YY1: variants seen among roughly 807,000 people sequenced by gnomAD.
The protein encoded by YY1 is transcriptional repressor protein YY1.
Under a neutral mutation model 35.6 loss-of-function variants are expected in YY1, and 2 were observed. The observed-to-expected ratio is 0.06, with a 90% CI of 0.02 to 0.18. The LOEUF is 0.18. Ranked by LOEUF, YY1 falls within the 10% of genes least tolerant of loss-of-function variation. The probability of loss-of-function intolerance (pLI) is 1.00; values close to 1 mark genes in which losing one functional copy is unlikely to be tolerated. For synonymous variants in YY1, 268 were observed against 238.9 expected, an observed-to-expected ratio of 1.12 and a Z score of -1.12; for missense variants, 322 against 573.4, an observed-to-expected ratio of 0.56 and a Z score of 4.48.
chr14:100,239,781 G>GGGC lies in YY1; in HGVS notation c.537_538insGGC (p.Lys179_Ser180insGly). ...GCGTCAAGAAGGGCGGCGGCAAGAA[G>GGGC]AGCGGCAAGAAGAGTTACCTCAGCG... On this transcript the variant is annotated inframe_insertion, in exon 1 of 5. Coordinates refer to ENST00000262238, the MANE Select transcript of YY1 (RefSeq NM_003403.5). 1.3e-6 allele frequency: 2 copies of GGGC among 1,561,758 alleles called. No homozygotes were observed. The highest frequency in any genetic ancestry group is 1.7e-6 in the Non-Finnish European group (2 of 1,156,018).
rs554857066 is a variant in YY1 at position 100,276,174 on chromosome 14, T to C, written c.904-316T>C. 4.6e-4 allele frequency: 174 copies of C among 374,758 alleles called. 1 individual carries two copies. The highest frequency in any genetic ancestry group is 1.8e-3 in the Middle Eastern group (2 of 1,138). The allele number at this position is 374,758 out of a possible 1,614,324, so 23.2% of individuals were successfully genotyped here. On this transcript the variant is annotated intron_variant, in intron 3 of 4. Coordinates refer to ENST00000262238, the MANE Select transcript of YY1 (RefSeq NM_003403.5). This position sits in a 1 kb window ranked among gnomAD's most constrained non-coding sequence, Gnocchi z 4.1. ...TCGGGTGAGGTGGCTGTGGTAGAGCTGGAAGCCAGGGTGTTGGGTTCTATT... is the reference window on the plus strand; with the variant it reads ...TCGGGTGAGGTGGCTGTGGTAGAGCCGGAAGCCAGGGTGTTGGGTTCTATT...
At chr14:100,249,590 A>C (rs1890890403) in intron 1 of YY1, among the ~76,000 whole-genome samples, 1 of 152,216 alleles carries the variant, frequency 6.6e-6, no homozygotes. Context: ...GCTGTAAGGC[A>C]GAATCAGGGC....
rs775678967 is a variant in YY1 at position 100,239,417 on chromosome 14, ACCACGGCGGCGGGGGCGG to A, written c.180_197del (p.Gly61_Gly66del). On this transcript the variant is annotated inframe_deletion, in exon 1 of 5. Coordinates refer to ENST00000262238, the MANE Select transcript of YY1 (RefSeq NM_003403.5). The stretch of plus-strand genomic sequence containing the variant: ...GACGACGAGGACGGCGGCGGTGGCG[ACCACGGCGGCGGGGGCGG>A]CCACGGGCACGCCGGCCACCACCAC... The A allele has an allele frequency of 3.6e-5, 57 of 1,594,450 alleles. No homozygotes were observed. Among genetic ancestry groups the A allele is most frequent in the Admixed American group, 8.6e-5 (5 of 58,042 alleles).
intron 1 of YY1, among the ~76,000 whole-genome samples, chr14:100,255,625 AAAAT>A (rs1290652976): frequency 1.6e-4 from 25 of 152,334 alleles, no homozygotes; most frequent in East Asian, 1.2e-3. Context: ...CATCTCAGGA[AAAAT>A]AAATAAATAA....
At chr14:100,247,692 T>G (rs1890854106) in intron 1 of YY1, among the ~76,000 whole-genome samples, 1 of 152,220 alleles carries the variant, frequency 6.6e-6, no homozygotes, top group Non-Finnish European at 1.5e-5. Flanking sequence ...TCATGTGTGA[T>G]GGACTTTCAT....
rs8007648 is a variant in YY1 at position 100,252,287 on chromosome 14, G to T, written c.680-10017G>T. ...CTTTGCTCCTCAAACTAGACTTGGA[G>T]TGATTATTGCTTTGGTAACATAGAA... On this transcript the variant is annotated intron_variant, in intron 1 of 4. Coordinates refer to ENST00000262238, the MANE Select transcript of YY1 (RefSeq NM_003403.5). Among the ~76,000 whole-genome samples, 1,315 of 152,294 alleles carry T rather than the reference G, an allele frequency of 8.6e-3. 19 individuals are homozygous for T. The highest frequency in any genetic ancestry group is 0.03 in the African/African-American group (1,240 of 41,568).
At chr14:100,240,470 C>T (rs562414183) in intron 1 of YY1, among the ~76,000 whole-genome samples, 240 of 152,164 alleles carry the variant, frequency 1.6e-3, no homozygotes, top group African/African-American at 5.5e-3. Context: ...CCCCAACTTC[C>T]CCGGACTCCC....
At chr14:100,246,710 CA>C (rs1206510222) in intron 1 of YY1, among the ~76,000 whole-genome samples, 1 of 152,074 alleles carries the variant, frequency 6.6e-6, no homozygotes, top group Non-Finnish European at 1.5e-5. Context: ...GCAGGTTTGC[CA>C]AAAATCACTA....
At chr14:100,254,654 G>T (rs1890974565) in intron 1 of YY1, among the ~76,000 whole-genome samples, 1 of 151,564 alleles carries the variant, frequency 6.6e-6, no homozygotes, top group Non-Finnish European at 1.5e-5. Context: ...ATGGATTTTT[G>T]CCATGTTGGC....
intron 2 of YY1, among the ~76,000 whole-genome samples, chr14:100,271,819 T>C (rs1246618302): frequency 6.6e-6 from 1 of 151,928 alleles, no homozygotes; most frequent in East Asian, 1.9e-4. Context: ...TAACTTTTTA[T>C]TTTTTTTAGA....
intron 1 of YY1, among the ~76,000 whole-genome samples, chr14:100,244,221 C>T (rs948411454): frequency 7.2e-5 from 11 of 151,772 alleles, no homozygotes; most frequent in African/African-American, 2.4e-4. Flanking sequence ...CTCTGGTGGG[C>T]ATCTTTTGAA....
Position 100,240,074 on chromosome 14 carries a change from C to A in YY1, c.679+151C>A, listed in dbSNP as rs974454446. ...GGGCCGTGCGGCGGCGGGGGCGCGG[C>A]GGCGGCGGCGGGCGGCGGGCCGCGA... On this transcript the variant is annotated intron_variant, in intron 1 of 4. Coordinates refer to ENST00000262238, the MANE Select transcript of YY1 (RefSeq NM_003403.5). 5 of 686,714 alleles carry A rather than the reference C, an allele frequency of 7.3e-6. No homozygotes were observed. The African/African-American group carries it at 9.8e-5, about 13-fold the overall frequency. The allele number at this position is 686,714 out of a possible 1,614,324, so 42.5% of individuals were successfully genotyped here.
rs113690550 is a variant in YY1 at position 100,270,754 on chromosome 14, A to G, written c.843-3944A>G. Among the ~76,000 whole-genome samples the G allele has an allele frequency of 5.6e-3, 853 of 152,310 alleles. 11 individuals carry two copies. The highest frequency in any genetic ancestry group is 0.02 in the African/African-American group (819 of 41,546). On this transcript the variant is annotated intron_variant, in intron 2 of 4. Coordinates refer to ENST00000262238, the MANE Select transcript of YY1 (RefSeq NM_003403.5). ...TACTATTCTGTGAATTTGGACAAAC[A>G]GTCATGTAGCCATCTTCACACTCAA... is the stretch of plus-strand genomic sequence containing the variant.
rs765281040 is a variant in YY1 at position 100,276,652 on chromosome 14, G to C, written c.1062+4G>C. 6.2e-7 allele frequency: 1 copy of C among 1,614,136 alleles called. No individual in the cohort carries two copies. The highest frequency in any genetic ancestry group is 2.2e-5 in the East Asian group (1 of 44,886). ...TACTGGAGAGAAGCCCTTTCAGGTA[G>C]AGCCAGTTCCCTCTCTTCCCCACAC... On this transcript the variant is annotated splice_donor_region_variant and intron_variant, in intron 4 of 4. Coordinates refer to ENST00000262238, the MANE Select transcript of YY1 (RefSeq NM_003403.5). The surrounding 1 kb of genome is among the most constrained non-coding windows in gnomAD (Gnocchi z 4.1).
At chr14:100,269,129 TG>T (rs1321211942) in intron 2 of YY1, among the ~76,000 whole-genome samples, 1 of 152,216 alleles carries the variant, frequency 6.6e-6, no homozygotes, top group Non-Finnish European at 1.5e-5. Context: ...TAACATGTAC[TG>T]CGTTGAGGGG....
chr14:100,270,649 G>A (rs948778152), intron 2 of YY1, among the ~76,000 whole-genome samples: 1 of 150,582 alleles, frequency 6.6e-6, no homozygotes, highest in African/African-American at 2.5e-5. Context: ...GAAAATGTAT[G>A]AGAGAGGACC....
chr14:100,274,803 G>A, intron 3 of YY1, 45 bp downstream of exon 3: 1 of 1,553,472 alleles, frequency 6.4e-7, no homozygotes, highest in Non-Finnish European at 8.9e-7. Flanking sequence ...TGTTGATGAA[G>A]TTTTAGAGAG....
chr14:100,273,167 G>C (rs1189193746), intron 2 of YY1, among the ~76,000 whole-genome samples: 1 of 152,054 alleles, frequency 6.6e-6, no homozygotes, highest in African/African-American at 2.4e-5. Flanking sequence ...GTTTCACCAT[G>C]TTGGCCAACA....
At position 100,281,060 on chromosome 14, in the gene YY1, C is replaced by CAAAAAAAAAAAAAAAA. The variant is rs775439859; in HGVS notation, c.*3460_*3461insAAAAAAAAAAAAAAAA. ...GGGTGACAGAGCAAGACTCCGTCTC[C>CAAAAAAAAAAAAAAAA]CAAAAAAAAAAAAAAAAAAAAAAAA... On this transcript the variant is annotated 3_prime_UTR_variant, in exon 5 of 5. Coordinates refer to ENST00000262238, the MANE Select transcript of YY1 (RefSeq NM_003403.5). 4 of 47,776 alleles carry CAAAAAAAAAAAAAAAA rather than the reference C, an allele frequency of 8.4e-5. 2 individuals carry two copies. Among genetic ancestry groups the CAAAAAAAAAAAAAAAA allele is most frequent in the African/African-American group, 4.0e-4 (4 of 9,894 alleles). The allele number at this position is 47,776 out of a possible 1,614,324, so 3.0% of individuals were successfully genotyped here. A position where few individuals can be genotyped will look rare whatever the true frequency, so the allele number is the denominator to read the frequency against.
Sources: allele counts gnomAD v4.1 joint callset (sites outside exome capture counted in the v4.1 genomes callset), GRCh38; gene constraint gnomAD v4.1.1; non-coding constraint Gnocchi (gnomAD v3.1); transcripts MANE v1.5; gene names NCBI Gene and HGNC (gene_info 2026-07-23, HGNC 2026-07-21).